NFIB: variants seen among roughly 807,000 people sequenced by gnomAD.
NFIB encodes nuclear factor I B, also known as nuclear factor 1 B-type.
A neutral mutation model predicts 61.5 loss-of-function variants in NFIB; 11 were observed. The ratio of observed to expected loss-of-function variants is 0.18; its 90% CI spans 0.11 to 0.30. The LOEUF (loss-of-function observed/expected upper bound fraction) is 0.30. Ranked by LOEUF, NFIB falls within the 10% of genes least tolerant of loss-of-function variation. The pLI, the probability that NFIB is intolerant of heterozygous loss-of-function variation, is 1.00. For synonymous variants in NFIB, 260 were observed against 216.5 expected (o/e 1.20, Z -1.76); for missense variants, 471 against 608.9 (o/e 0.77, Z 2.38).
intron 1 of NFIB, among the ~76,000 whole-genome samples, chr9:14,344,430 T>C (rs978999674): frequency 6.6e-6 from 1 of 151,882 alleles, no homozygotes; most frequent in African/African-American, 2.4e-5. Context: ...TAGAGGGAGT[T>C]GTTTGTTTGT....
intron 1 of NFIB, among the ~76,000 whole-genome samples, chr9:14,343,672 T>C (rs1227718836): frequency 1.3e-5 from 2 of 151,668 alleles, no homozygotes; most frequent in Non-Finnish European, 2.9e-5. Flanking sequence ...TTATTAAAGT[T>C]TGGTGGAGAA....
At chr9:14,443,871 A>C in the NFIB span, among the ~76,000 whole-genome samples, 40 of 152,354 alleles carry the variant, frequency 2.6e-4, no homozygotes, top group Non-Finnish European at 4.4e-5. Flanking sequence ...GGAGGTCCTC[A>C]ATTAATATTT....
intron 2 of NFIB, among the ~76,000 whole-genome samples, chr9:14,200,221 A>T (rs1297912607): frequency 6.6e-6 from 1 of 152,216 alleles, no homozygotes; most frequent in Non-Finnish European, 1.5e-5. Context: ...ATAGTAGTCA[A>T]TGGTGAAATT....
chr9:14,297,638 G>C (rs2059519109), intron 2 of NFIB, among the ~76,000 whole-genome samples: 1 of 152,040 alleles, frequency 6.6e-6, no homozygotes, highest in South Asian at 2.1e-4. Flanking sequence ...GTAGCACATT[G>C]TCTCTCATCT....
intron 2 of NFIB, among the ~76,000 whole-genome samples, chr9:14,250,191 T>C (rs2055431029): frequency 6.6e-6 from 1 of 152,154 alleles, no homozygotes; most frequent in African/African-American, 2.4e-5. Flanking sequence ...GTTGAGCACT[T>C]TTGTGCTGAG....
chr9:14,322,983 C>T (rs1303421620), intron 1 of NFIB, among the ~76,000 whole-genome samples: 1 of 152,188 alleles, frequency 6.6e-6, no homozygotes, highest in Non-Finnish European at 1.5e-5. Flanking sequence ...CCGAAAACGC[C>T]GCGGAAAGAC....
At chr9:14,474,369 G>A in the NFIB span, among the ~76,000 whole-genome samples, 2 of 152,012 alleles carry the variant, frequency 1.3e-5, no homozygotes, top group South Asian at 4.2e-4. Flanking sequence ...CATTCATGAC[G>A]GTTTCATCCT....
chr9:14,341,515 G>C (rs1241821929), intron 1 of NFIB, among the ~76,000 whole-genome samples: 3 of 152,172 alleles, frequency 2.0e-5, no homozygotes, highest in Non-Finnish European at 4.4e-5. Flanking sequence ...CAGAAGTGCT[G>C]GGAAGGGACT....
chr9:14,383,043 G>C (rs1263494535), intron 1 of NFIB, among the ~76,000 whole-genome samples: 1 of 151,656 alleles, frequency 6.6e-6, no homozygotes, highest in African/African-American at 2.4e-5. Context: ...AACCAGTGTG[G>C]AACTCTTAAG....
chr9:14,277,441 A>C (rs1232022259), intron 2 of NFIB, among the ~76,000 whole-genome samples: 1 of 152,220 alleles, frequency 6.6e-6, no homozygotes, highest in African/African-American at 2.4e-5. Context: ...GTTTTGCCAA[A>C]TTATGTGCTT....
chr9:14,452,046 A>C, the NFIB span, among the ~76,000 whole-genome samples: 1 of 152,122 alleles, frequency 6.6e-6, no homozygotes, highest in African/African-American at 2.4e-5. Flanking sequence ...TCAGGTTTTC[A>C]TGTTTAAGTC....
intron 10 of NFIB, among the ~76,000 whole-genome samples, chr9:14,111,131 T>C (rs1265998698): frequency 6.6e-6 from 1 of 152,170 alleles, no homozygotes; most frequent in Non-Finnish European, 1.5e-5. Context: ...AAATAGTTTA[T>C]AGTTCTAGAA....
chr9:14,298,230 T>C (rs1205106344), intron 2 of NFIB, among the ~76,000 whole-genome samples: 1 of 152,198 alleles, frequency 6.6e-6, no homozygotes, highest in East Asian at 1.9e-4. Context: ...TACAGATTTT[T>C]TCAGTACTAG....
intron 1 of NFIB, among the ~76,000 whole-genome samples, chr9:14,379,562 T>C (rs897729797): frequency 1.3e-5 from 2 of 152,198 alleles, no homozygotes; most frequent in African/African-American, 2.4e-5. Context: ...AAAGTCCTTA[T>C]GTCACTGTGG....
chr9:14,231,133 AAAATATATATAT>A lies in NFIB; in HGVS notation c.563-51365_563-51354del, dbSNP rs1348918708. 7.4e-3 allele frequency among the ~76,000 whole-genome samples: 498 copies of A among 67,196 alleles called. 6 individuals are homozygous for A. The East Asian group carries it at 0.14, about 18-fold the overall frequency. 44.1% of individuals were successfully genotyped at this position (67,196 alleles called of 152,430 possible). A position where few individuals can be genotyped will look rare whatever the true frequency, so the allele number is the denominator to read the frequency against. ...TTTTTCCATGGGGAAAAAAAAAAAA[AAAATATATATAT>A]ATATATATATATATATATATATTCG... On this transcript the variant is annotated intron_variant, in intron 2 of 10. Coordinates refer to ENST00000380953, the MANE Select transcript of NFIB (RefSeq NM_001190737.2).
intron 2 of NFIB, among the ~76,000 whole-genome samples, chr9:14,203,905 T>G (rs1230931227): frequency 6.6e-6 from 1 of 152,080 alleles, no homozygotes; most frequent in Non-Finnish European, 1.5e-5. Flanking sequence ...TTCTGCTGAT[T>G]AAAGAAACTC....
intron 3 of NFIB, among the ~76,000 whole-genome samples, chr9:14,177,114 T>C (rs1241383833): frequency 1.3e-5 from 2 of 152,218 alleles, no homozygotes; most frequent in East Asian, 3.8e-4. Flanking sequence ...GTGATTTGAT[T>C]GTTTCATTGC....
the NFIB span, among the ~76,000 whole-genome samples, chr9:14,447,262 C>T: frequency 6.6e-6 from 1 of 152,166 alleles, no homozygotes. Context: ...GAATCCATGT[C>T]TGCTCTGTTT....
chr9:14,445,363 A>G, the NFIB span, among the ~76,000 whole-genome samples: 1 of 151,384 alleles, frequency 6.6e-6, no homozygotes, highest in African/African-American at 2.4e-5. Flanking sequence ...AGGCATTTTT[A>G]TCTTTTTCCT....
Sources: allele counts gnomAD v4.1 joint callset (sites outside exome capture counted in the v4.1 genomes callset), GRCh38; gene constraint gnomAD v4.1.1; transcripts MANE v1.5; gene names NCBI Gene and HGNC (gene_info 2026-07-23, HGNC 2026-07-21).